ZNF407: variants seen among roughly 807,000 people sequenced by gnomAD.
ZNF407 encodes zinc finger protein 407.
A neutral mutation model predicts 131.2 loss-of-function variants in ZNF407; 17 were observed. The observed-to-expected ratio is 0.13, with a 90% CI of 0.09 to 0.19. ZNF407 has a LOEUF of 0.19. ZNF407 is among the 10% of genes least tolerant of loss of function. The pLI, the probability that ZNF407 is intolerant of heterozygous loss-of-function variation, is 1.00. For synonymous variants in ZNF407, 1,156 were observed against 1,062.0 expected (o/e 1.09, Z -1.72); for missense variants, 2,681 against 2,830.6 (o/e 0.95, Z 1.20).
intron 3 of ZNF407, among the ~76,000 whole-genome samples, chr18:74,691,172 G>A (rs982197184): frequency 2.6e-5 from 4 of 151,988 alleles, no homozygotes; most frequent in Admixed American, 6.6e-5. Context: ...CCAGCTACTC[G>A]GGAGGCTGAG....
intron 3 of ZNF407, among the ~76,000 whole-genome samples, chr18:74,699,820 T>C (rs1967449525): frequency 6.6e-6 from 1 of 152,220 alleles, no homozygotes; most frequent in South Asian, 2.1e-4. Flanking sequence ...TAGTATGACA[T>C]AGATTTTCTA....
At chr18:74,785,106 A>G (rs1969678364) in intron 4 of ZNF407, among the ~76,000 whole-genome samples, 1 of 152,250 alleles carries the variant, frequency 6.6e-6, no homozygotes, top group Admixed American at 6.5e-5. Context: ...TGCGTGTGTC[A>G]TAAAGTATAA....
chr18:75,008,505 C>G (rs1181126856), intron 8 of ZNF407, among the ~76,000 whole-genome samples: 1 of 152,158 alleles, frequency 6.6e-6, no homozygotes, highest in Non-Finnish European at 1.5e-5. Flanking sequence ...GAAAGTCATC[C>G]CCGGATAGTG....
Position 74,631,028 on chromosome 18 carries a change from T to C in ZNF407, c.9T>C (p.Asp3=). Residue 3 remains aspartate (D), a synonymous_variant, in exon 2 of 9, where the codon GAT becomes GAC. Coordinates refer to ENST00000299687, the MANE Select transcript of ZNF407 (RefSeq NM_017757.3). MM[D]SENKPENDED... ...TCGTCAGCACTTTATTAATGATGGA[T>C]AGTGAGAATAAACCCGAAAATGATG... 1 of 1,608,140 alleles carries C rather than the reference T, an allele frequency of 6.2e-7. No individual in the cohort carries two copies. The highest frequency in any genetic ancestry group is 8.5e-7 in the Non-Finnish European group (1 of 1,177,802).
chr18:74,924,126 A>G (rs924044238), intron 8 of ZNF407, among the ~76,000 whole-genome samples: 3 of 152,188 alleles, frequency 2.0e-5, no homozygotes, highest in Non-Finnish European at 4.4e-5. Flanking sequence ...TTGTGTTTAT[A>G]TTAAATATAA....
At chr18:75,014,299 C>G (rs903270004) in intron 8 of ZNF407, among the ~76,000 whole-genome samples, 2 of 152,036 alleles carry the variant, frequency 1.3e-5, no homozygotes, top group Non-Finnish European at 1.5e-5. Context: ...GTTTGGTGTT[C>G]GAAATATAAA....
Position 74,604,144 on chromosome 18 carries a change from G to T in ZNF407, c.-54+6207G>T, listed in dbSNP as rs187024204. ...CTTGGTCACTAAGGAAGAGGTGGATGAAGAGATAAGAGAGGTCACCTCCTC... is the reference window on the plus strand; with the variant it reads ...CTTGGTCACTAAGGAAGAGGTGGATTAAGAGATAAGAGAGGTCACCTCCTC... On this transcript the variant is annotated intron_variant, in intron 1 of 8. Coordinates refer to ENST00000299687, the MANE Select transcript of ZNF407 (RefSeq NM_017757.3). Among the ~76,000 whole-genome samples, 811 of 152,268 alleles carry T rather than the reference G, an allele frequency of 5.3e-3. 3 individuals carry two copies. The highest frequency in any genetic ancestry group is 0.016 in the South Asian group (77 of 4,822).
intron 4 of ZNF407, among the ~76,000 whole-genome samples, chr18:74,859,747 C>T (rs1267728439): frequency 2.0e-5 from 3 of 152,244 alleles, no homozygotes; most frequent in Admixed American, 1.3e-4. Flanking sequence ...TTTTCCTTAT[C>T]AGATTTTATG....
intron 7 of ZNF407, among the ~76,000 whole-genome samples, chr18:74,899,867 T>C (rs1971500306): frequency 6.6e-6 from 1 of 152,090 alleles, no homozygotes; most frequent in Non-Finnish European, 1.5e-5. Context: ...AACAGGTAAG[T>C]GGAGAGAAGT....
intron 4 of ZNF407, among the ~76,000 whole-genome samples, chr18:74,815,807 G>C (rs1023374033): frequency 6.6e-6 from 1 of 152,088 alleles, no homozygotes. Flanking sequence ...TCACGATATG[G>C]CTACTATTGT....
intron 2 of ZNF407, among the ~76,000 whole-genome samples, chr18:74,640,316 G>A (rs1206293203): frequency 6.6e-6 from 1 of 151,974 alleles, no homozygotes; most frequent in Non-Finnish European, 1.5e-5. Flanking sequence ...AACAAATTTT[G>A]TATGCTTTTT....
chr18:75,013,128 T>C (rs1185382391), intron 8 of ZNF407, among the ~76,000 whole-genome samples: 1 of 152,178 alleles, frequency 6.6e-6, no homozygotes, highest in Non-Finnish European at 1.5e-5. Context: ...CACAGTCATT[T>C]TGCTGTGCTG....
intron 8 of ZNF407, among the ~76,000 whole-genome samples, chr18:74,951,001 T>C (rs938797249): frequency 6.6e-6 from 1 of 152,074 alleles, no homozygotes; most frequent in Non-Finnish European, 1.5e-5. Flanking sequence ...AGATGCAACT[T>C]TTTTTTTCCT....
chr18:74,880,938 C>T, intron 5 of ZNF407, 98 bp from the exon 6 acceptor site: 1 of 1,000,172 alleles, frequency 1.0e-6, no homozygotes, highest in Non-Finnish European at 1.5e-6. Context: ...TACATGGAAA[C>T]ATTTGATTGG....
At chr18:74,967,598 T>G (rs1972423583) in intron 8 of ZNF407, among the ~76,000 whole-genome samples, 2 of 152,216 alleles carry the variant, frequency 1.3e-5, no homozygotes, top group African/African-American at 4.8e-5. Flanking sequence ...CAGCAGCTGT[T>G]CCTCTTCCTC....
In ZNF407 at chr18:74,704,798, G is replaced by A. The variant is rs2144830697; in HGVS notation, c.4802+63676G>A. Among the ~76,000 whole-genome samples, 2 of 152,316 alleles carry A rather than the reference G, an allele frequency of 1.3e-5. 1 individual carries two copies. Among genetic ancestry groups the A allele is most frequent in the South Asian group, 4.1e-4 (2 of 4,826 alleles). On this transcript the variant is annotated intron_variant, in intron 3 of 8. Transcript: ENST00000299687. The stretch of plus-strand genomic sequence containing the variant: ...AGTGTCTTGGTGTTTTTTAGAGACA[G>A]TGAGGGAAAGGGATGGGTGTTGGCA...
At chr18:74,620,751 A>T (rs1290005577) in intron 1 of ZNF407, among the ~76,000 whole-genome samples, 1 of 152,138 alleles carries the variant, frequency 6.6e-6, no homozygotes, top group Non-Finnish European at 1.5e-5. Context: ...ACATCCGATG[A>T]CCAGAGGCCC....
chr18:74,946,524 G>C (rs1972155563), intron 8 of ZNF407, among the ~76,000 whole-genome samples: 1 of 152,144 alleles, frequency 6.6e-6, no homozygotes, highest in Non-Finnish European at 1.5e-5. Context: ...AAAATATTTT[G>C]ACCACACTTT....
intron 3 of ZNF407, among the ~76,000 whole-genome samples, chr18:74,653,312 A>G (rs901357833): frequency 6.6e-6 from 1 of 151,946 alleles, no homozygotes; most frequent in African/African-American, 2.4e-5. Context: ...TAAGCGTCAT[A>G]TTCTCAGTTG....
Sources: gnomAD v4.1 joint callset for allele counts (sites outside exome capture counted in the v4.1 genomes callset) on GRCh38, gnomAD v4.1.1 for gene constraint, MANE v1.5 for transcripts, NCBI Gene and HGNC (gene_info 2026-07-23, HGNC 2026-07-21) for gene names.